Variants in STARD13 observed in about 807,000 individuals in gnomAD.
STARD13 encodes the protein stAR-related lipid transfer protein 13.
Under a neutral mutation model 106.4 loss-of-function variants are expected in STARD13, and 62 were observed. That is an observed-to-expected ratio of 0.58 (90% CI 0.48 to 0.72). STARD13 has a LOEUF of 0.72. Ranked by LOEUF, STARD13 falls within the 30% of genes least tolerant of loss-of-function variation. The pLI, the probability that STARD13 is intolerant of heterozygous loss-of-function variation, is 0.00. For missense variants in STARD13, 1,387 were observed against 1,424.0 expected, an observed-to-expected ratio of 0.97 and a Z score of 0.42; for synonymous variants, 565 against 553.0, an observed-to-expected ratio of 1.02 and a Z score of -0.31.
chr13:33,427,128 C>T, the STARD13 span, among the ~76,000 whole-genome samples: 3 of 152,076 alleles, frequency 2.0e-5, no homozygotes, highest in African/African-American at 4.8e-5. Flanking sequence ...ATTATTATCT[C>T]GTTTAACACT....
intron 1 of STARD13, among the ~76,000 whole-genome samples, chr13:33,299,475 T>C (rs1892628458): frequency 6.6e-6 from 1 of 152,168 alleles, no homozygotes; most frequent in Admixed American, 6.5e-5. Context: ...AAAGGAACTA[T>C]TAAAGACATT....
chr13:33,203,455 G>A (rs765835215), intron 1 of STARD13, among the ~76,000 whole-genome samples: 7 of 152,188 alleles, frequency 4.6e-5, no homozygotes, highest in Non-Finnish European at 7.4e-5. Flanking sequence ...TATTTGTATG[G>A]TATATCTATG....
the STARD13 span, among the ~76,000 whole-genome samples, chr13:33,566,438 G>T: frequency 2.7e-5 from 4 of 147,930 alleles, 1 homozygote; most frequent in African/African-American, 7.4e-5. Context: ...ATCTCTAACT[G>T]CCTGAGACTC....
At chr13:33,341,979 C>A (rs1245057008) in intron 1 of STARD13, among the ~76,000 whole-genome samples, 1 of 151,988 alleles carries the variant, frequency 6.6e-6, no homozygotes, top group East Asian at 1.9e-4. Flanking sequence ...TTAGTAGATA[C>A]GAGGTTTCAC....
At chr13:33,217,430 T>C (rs184945493) in intron 1 of STARD13, among the ~76,000 whole-genome samples, 24 of 152,330 alleles carry the variant, frequency 1.6e-4, no homozygotes, top group Middle Eastern at 3.4e-3. Context: ...CTGTCAAATA[T>C]GTCTCTTGTC....
chr13:33,345,834 AG>A (rs2078011408), downstream of STARD13, among the ~76,000 whole-genome samples: 1 of 151,784 alleles, frequency 6.6e-6, no homozygotes, highest in African/African-American at 2.4e-5. Context: ...TGCTTTTCCC[AG>A]GCTATTTGTT....
intron 1 of STARD13, among the ~76,000 whole-genome samples, chr13:33,213,672 A>G (rs1594115227): frequency 6.6e-6 from 1 of 152,238 alleles, no homozygotes; most frequent in East Asian, 1.9e-4. Context: ...CATTGTGCTC[A>G]TGGCAAGACA....
chr13:33,590,971 A>G, the STARD13 span, among the ~76,000 whole-genome samples: 1 of 152,262 alleles, frequency 6.6e-6, no homozygotes, highest in Non-Finnish European at 1.5e-5. Flanking sequence ...GTACTTGTAT[A>G]ACAGAGCAAT....
the STARD13 span, among the ~76,000 whole-genome samples, chr13:33,633,451 C>T: frequency 6.6e-6 from 1 of 152,120 alleles, no homozygotes; most frequent in Non-Finnish European, 1.5e-5. Flanking sequence ...TAGTCATTAT[C>T]CAGTTTAGTG....
At chr13:33,497,815 G>A in the STARD13 span, among the ~76,000 whole-genome samples, 2 of 152,164 alleles carry the variant, frequency 1.3e-5, no homozygotes, top group African/African-American at 2.4e-5. Context: ...AATTAGACGT[G>A]TGAGAGCGTC....
At chr13:33,643,834 C>T in the STARD13 span, among the ~76,000 whole-genome samples, 1 of 152,210 alleles carries the variant, frequency 6.6e-6, no homozygotes, top group Admixed American at 6.5e-5. Context: ...ACTCTCCATG[C>T]CCTCCTTGCT....
intron 3 of STARD13, among the ~76,000 whole-genome samples, chr13:33,147,040 C>A (rs914289671): frequency 6.6e-6 from 1 of 152,216 alleles, no homozygotes. Flanking sequence ...CAGTTCACAG[C>A]GCTTGTCTTT....
chr13:33,164,212 C>T (rs890936270), intron 3 of STARD13: 8 of 152,126 alleles, frequency 5.3e-5, no homozygotes, highest in African/African-American at 1.9e-4. Flanking sequence ...TTAACACAAA[C>T]CTATTTTCTC....
At chr13:33,339,503 T>C (rs1387241382) in intron 1 of STARD13, among the ~76,000 whole-genome samples, 3 of 152,134 alleles carry the variant, frequency 2.0e-5, no homozygotes, top group African/African-American at 7.2e-5. Flanking sequence ...TTTTGATGGG[T>C]TTTGATTTTA....
At chr13:33,259,403 C>T (rs1890525802) in intron 1 of STARD13, among the ~76,000 whole-genome samples, 1 of 152,134 alleles carries the variant, frequency 6.6e-6, no homozygotes, top group South Asian at 2.1e-4. Context: ...ATAAAAAGGA[C>T]CTCTTCAAAA....
chr13:33,341,155 T>C (rs1452218388), intron 1 of STARD13, among the ~76,000 whole-genome samples: 1 of 152,230 alleles, frequency 6.6e-6, no homozygotes, highest in Non-Finnish European at 1.5e-5. Context: ...AATAGAAATA[T>C]ACTGTTGGAT....
At chr13:33,209,521 T>G (rs554186501) in intron 1 of STARD13, among the ~76,000 whole-genome samples, 1 of 151,834 alleles carries the variant, frequency 6.6e-6, no homozygotes, top group Admixed American at 6.6e-5. Flanking sequence ...AATATCTAGG[T>G]GTAAGTGCAG....
rs1017084188 is a variant in STARD13 at position 33,133,688 on chromosome 13, CTTGT to C, written c.388-3403_388-3400del. Among the ~76,000 whole-genome samples, 65 of 151,304 alleles carry C rather than the reference CTTGT, an allele frequency of 4.3e-4. 1 individual carries two copies. The highest frequency in any genetic ancestry group is 1.6e-3 in the African/African-American group (65 of 41,304). On this transcript the variant is annotated intron_variant, in intron 4 of 13. Coordinates refer to ENST00000336934, the MANE Select transcript of STARD13 (RefSeq NM_178006.4). ...AAAAATTTATGCTTAAGTAATTATC[CTTGT>C]TTGTTTGTATTCTGATACTTTTTAA...
the STARD13 span, among the ~76,000 whole-genome samples, chr13:33,655,844 C>T: frequency 6.6e-6 from 1 of 152,186 alleles, no homozygotes; most frequent in African/African-American, 2.4e-5. Flanking sequence ...CTGCTGCTGT[C>T]GTTGCAGGTT....
Sources: gnomAD v4.1 joint callset for allele counts (sites outside exome capture counted in the v4.1 genomes callset) on GRCh38, gnomAD v4.1.1 for gene constraint, MANE v1.5 for transcripts, NCBI Gene and HGNC (gene_info 2026-07-23, HGNC 2026-07-21) for gene names.